Variants in PTPRD observed in about 807,000 individuals in gnomAD.
The protein encoded by PTPRD is receptor-type tyrosine-protein phosphatase delta.
Under a neutral mutation model 214.5 loss-of-function variants are expected in PTPRD, and 34 were observed. The ratio of observed to expected loss-of-function variants is 0.16; its 90% CI spans 0.12 to 0.21. PTPRD has a LOEUF of 0.21. PTPRD is among the 10% of genes least tolerant of loss of function. PTPRD has a pLI of 1.00. For synonymous variants in PTPRD, 1,128 were observed against 845.7 expected, an observed-to-expected ratio of 1.33 and a Z score of -5.79; for missense variants, 2,545 against 2,398.7, an observed-to-expected ratio of 1.06 and a Z score of -1.27.
In PTPRD at chr9:9,713,949, G is replaced by T. The variant is rs148304385; in HGVS notation, c.-287+20584C>A. ...CTCAAAAGAACTTCCAGGAAGGTAG[G>T]TTACCCTCCTTACTTGTAGACACCA... is the stretch of plus-strand genomic sequence containing the variant. On this transcript the variant is annotated intron_variant, in intron 7 of 45. Coordinates refer to ENST00000381196, the MANE Select transcript of PTPRD (RefSeq NM_002839.4). Among the ~76,000 whole-genome samples, 14 of 152,054 alleles carry T rather than the reference G, an allele frequency of 9.2e-5. No homozygotes were observed. The East Asian group carries it at 2.5e-3, about 27-fold the overall frequency.
At chr9:8,629,079 G>C (rs2096155833) in intron 14 of PTPRD, among the ~76,000 whole-genome samples, 1 of 151,600 alleles carries the variant, frequency 6.6e-6, no homozygotes, top group Non-Finnish European at 1.5e-5. Context: ...TGCTGTTTGA[G>C]ATAAGAGCAA....
chr9:10,448,967 ATATCTTTGAAC>A (rs2098817993), intron 2 of PTPRD, among the ~76,000 whole-genome samples: 1 of 151,972 alleles, frequency 6.6e-6, no homozygotes, highest in African/African-American at 2.4e-5. Context: ...GCAGTTATTC[ATATCTTTGAAC>A]TTAAGACAAA....
At chr9:9,238,018 T>C (rs1282183309) in intron 9 of PTPRD, among the ~76,000 whole-genome samples, 1 of 151,800 alleles carries the variant, frequency 6.6e-6, no homozygotes, top group Non-Finnish European at 1.5e-5. Flanking sequence ...TTCAAGTCCC[T>C]TTCTCCTCCA....
chr9:9,352,536 C>A (rs915640670), intron 9 of PTPRD, among the ~76,000 whole-genome samples: 14 of 151,724 alleles, frequency 9.2e-5, no homozygotes, highest in African/African-American at 3.4e-4. Context: ...GGAGTTAGTC[C>A]AGAGACAAAC....
intron 5 of PTPRD, among the ~76,000 whole-genome samples, chr9:9,872,264 G>A (rs974574433): frequency 5.9e-5 from 9 of 152,092 alleles, no homozygotes; most frequent in African/African-American, 2.2e-4. Context: ...GAATATATAG[G>A]ATCCATGTCA....
At chr9:8,479,143 G>C (rs2135470556) in intron 30 of PTPRD, among the ~76,000 whole-genome samples, 1 of 152,256 alleles carries the variant, frequency 6.6e-6, no homozygotes, top group Non-Finnish European at 1.5e-5. Context: ...ACACAGCATG[G>C]CACGGAGCTT....
chr9:10,050,998 ATAT>A (rs750225353), intron 3 of PTPRD, among the ~76,000 whole-genome samples: 16 of 152,160 alleles, frequency 1.1e-4, no homozygotes, highest in Non-Finnish European at 2.2e-4. Flanking sequence ...TGTAAAATAT[ATAT>A]TATCCCATGC....
At chr9:9,585,986 C>T (rs986434857) in intron 7 of PTPRD, among the ~76,000 whole-genome samples, 6 of 151,926 alleles carry the variant, frequency 3.9e-5, no homozygotes, top group African/African-American at 7.2e-5. Flanking sequence ...TGGTTAGTTC[C>T]GAGTTGGAAG....
intron 24 of PTPRD, 111 bp from the exon 25 acceptor site, chr9:8,499,951 A>C (rs1325061222): frequency 1.2e-6 from 1 of 828,516 alleles, no homozygotes; most frequent in East Asian, 2.9e-5. Context: ...GGGTAAACCC[A>C]CTATGTTTTC....
At chr9:9,078,279 C>G (rs2154418126) in intron 10 of PTPRD, among the ~76,000 whole-genome samples, 2 of 152,130 alleles carry the variant, frequency 1.3e-5, no homozygotes, top group East Asian at 3.9e-4. Context: ...TATATTTTTT[C>G]CACTTCGCAA....
intron 9 of PTPRD, among the ~76,000 whole-genome samples, chr9:9,190,891 G>C (rs1483156324): frequency 6.6e-6 from 1 of 152,078 alleles, no homozygotes; most frequent in South Asian, 2.1e-4. Context: ...TTGGGGGACT[G>C]TTGGAGAGAG....
At chr9:8,703,568 T>G (rs2098135635) in intron 12 of PTPRD, among the ~76,000 whole-genome samples, 1 of 152,196 alleles carries the variant, frequency 6.6e-6, no homozygotes, top group Non-Finnish European at 1.5e-5. Flanking sequence ...CCCTGGATTT[T>G]CCTCCAACTC....
chr9:9,401,327 G>T (rs764053798), intron 8 of PTPRD, among the ~76,000 whole-genome samples: 1 of 151,878 alleles, frequency 6.6e-6, no homozygotes, highest in Non-Finnish European at 1.5e-5. Flanking sequence ...AGTAATCAGA[G>T]AAATCCCCCT....
chr9:10,206,095 G>C (rs983540498), intron 3 of PTPRD, among the ~76,000 whole-genome samples: 1 of 145,534 alleles, frequency 6.9e-6, no homozygotes, highest in Non-Finnish European at 1.5e-5. Context: ...AGCGCGTGAA[G>C]CTTTAATTGT....
At chr9:8,703,035 C>A (rs907811438) in intron 12 of PTPRD, among the ~76,000 whole-genome samples, 2 of 152,158 alleles carry the variant, frequency 1.3e-5, no homozygotes, top group African/African-American at 4.8e-5. Flanking sequence ...TTTCCAATTA[C>A]ATAAAGAATT....
chr9:9,899,175 C>A (rs943746457), intron 5 of PTPRD, among the ~76,000 whole-genome samples: 9 of 151,916 alleles, frequency 5.9e-5, no homozygotes, highest in Non-Finnish European at 1.2e-4. Flanking sequence ...AGGAACAAAT[C>A]TAACAAAATA....
intron 5 of PTPRD, among the ~76,000 whole-genome samples, chr9:9,854,676 ATTG>A (rs2153673777): frequency 1.3e-5 from 2 of 152,218 alleles, no homozygotes; most frequent in East Asian, 1.9e-4. Flanking sequence ...ACTTATCTAA[ATTG>A]TTATTTGAAT....
intron 7 of PTPRD, among the ~76,000 whole-genome samples, chr9:9,696,327 G>A (rs1221318016): frequency 6.6e-6 from 1 of 152,122 alleles, no homozygotes; most frequent in Non-Finnish European, 1.5e-5. Context: ...ATTTGGTCTA[G>A]TGTTTAATTT....
intron 5 of PTPRD, among the ~76,000 whole-genome samples, chr9:9,872,045 G>A (rs916224297): frequency 2.0e-5 from 3 of 152,066 alleles, no homozygotes; most frequent in African/African-American, 7.2e-5. Context: ...TAGTACCACA[G>A]ACTATTGTCT....
Sources: gnomAD v4.1 joint callset for allele counts (sites outside exome capture counted in the v4.1 genomes callset) on GRCh38, gnomAD v4.1.1 for gene constraint, MANE v1.5 for transcripts, NCBI Gene and HGNC (gene_info 2026-07-23, HGNC 2026-07-21) for gene names.